SPAG16: variants seen among roughly 807,000 people sequenced by gnomAD.
SPAG16 encodes the protein sperm associated antigen 16.
Under a neutral mutation model 80.4 loss-of-function variants are expected in SPAG16, and 86 were observed. The observed-to-expected ratio is 1.07, with a 90% CI of 0.90 to 1.28. SPAG16 has a LOEUF of 1.28. Ranked by LOEUF, SPAG16 falls within the 50% of genes most tolerant of loss-of-function variation. SPAG16 has a pLI of 0.00. For synonymous variants in SPAG16, 294 were observed against 265.9 expected (o/e 1.11, Z -1.03); for missense variants, 870 against 765.3 (o/e 1.14, Z -1.61).
chr2:214,019,699 T>C (rs2047761885), intron 13 of SPAG16, among the ~76,000 whole-genome samples: 2 of 152,146 alleles, frequency 1.3e-5, no homozygotes, highest in South Asian at 4.1e-4. Context: ...TCTGGTGAAC[T>C]CTAAGAGGAG....
At chr2:213,534,250 A>T (rs1056290773) in intron 10 of SPAG16, among the ~76,000 whole-genome samples, 4 of 152,028 alleles carry the variant, frequency 2.6e-5, no homozygotes, top group Non-Finnish European at 4.4e-5. Flanking sequence ...TGGTTGTTTT[A>T]CATTATGTGT....
chr2:213,911,501 A>C (rs1297982552), intron 11 of SPAG16, among the ~76,000 whole-genome samples: 1 of 152,208 alleles, frequency 6.6e-6, no homozygotes, highest in Non-Finnish European at 1.5e-5. Flanking sequence ...AATGCCAAGA[A>C]TGCACATGAA....
At chr2:213,907,190 A>G (rs915176189) in intron 11 of SPAG16, among the ~76,000 whole-genome samples, 9 of 152,176 alleles carry the variant, frequency 5.9e-5, no homozygotes, top group South Asian at 2.1e-4. Flanking sequence ...GACAAAACCT[A>G]CAAGCAATCC....
At chr2:213,573,882 C>G (rs915156960) in intron 10 of SPAG16, among the ~76,000 whole-genome samples, 3 of 152,088 alleles carry the variant, frequency 2.0e-5, no homozygotes, top group Non-Finnish European at 4.4e-5. Context: ...TTAGGGCAAC[C>G]TAAACCAGTG....
At chr2:213,295,804 A>G (rs185100368) in intron 1 of SPAG16, among the ~76,000 whole-genome samples, 4 of 152,292 alleles carry the variant, frequency 2.6e-5, no homozygotes, top group African/African-American at 7.2e-5. Flanking sequence ...CATTAGATAG[A>G]TAGTAAACAG....
chr2:213,854,783 A>G (rs1222165974), intron 10 of SPAG16, among the ~76,000 whole-genome samples: 1 of 152,280 alleles, frequency 6.6e-6, no homozygotes, highest in East Asian at 1.9e-4. Context: ...ATCTTACTTC[A>G]GAGCCAACAC....
Position 213,830,866 on chromosome 2 carries a change from G to A in SPAG16, c.1071-31619G>A, listed in dbSNP as rs59655277. 8.9e-3 allele frequency among the ~76,000 whole-genome samples: 1,351 copies of A among 151,806 alleles called. 25 individuals carry two copies. Among genetic ancestry groups the A allele is most frequent in the African/African-American group, 0.03 (1,224 of 41,370 alleles). On this transcript the variant is annotated intron_variant, in intron 10 of 15. Coordinates refer to ENST00000331683, the MANE Select transcript of SPAG16 (RefSeq NM_024532.5). Reference sequence around the variant, plus strand: ...AAATATTTTTATGCATTTGTCTTTCGGGACATTTGTATTATAAGTGCTGTG... The same window carrying A: ...AAATATTTTTATGCATTTGTCTTTCAGGACATTTGTATTATAAGTGCTGTG...
chr2:213,893,400 T>C (rs1408529317), intron 11 of SPAG16, among the ~76,000 whole-genome samples: 4 of 152,148 alleles, frequency 2.6e-5, no homozygotes, highest in Non-Finnish European at 5.9e-5. Flanking sequence ...TATAATTAAG[T>C]GCATGGCCAA....
intron 15 of SPAG16, among the ~76,000 whole-genome samples, chr2:214,150,871 T>C (rs2055939328): frequency 6.6e-6 from 1 of 152,082 alleles, no homozygotes; most frequent in Admixed American, 6.6e-5. Context: ...TCTTCTGTCA[T>C]ACAGGTCAGT....
At chr2:213,574,288 G>A (rs1326129151) in intron 10 of SPAG16, among the ~76,000 whole-genome samples, 3 of 151,902 alleles carry the variant, frequency 2.0e-5, no homozygotes, top group Non-Finnish European at 4.4e-5. Flanking sequence ...CTGTTTTCTT[G>A]ATGTTCTATG....
intron 5 of SPAG16, among the ~76,000 whole-genome samples, chr2:213,339,591 A>G (rs924384423): frequency 6.6e-6 from 1 of 152,170 alleles, no homozygotes; most frequent in African/African-American, 2.4e-5. Flanking sequence ...TACAGCACTG[A>G]TATTGAAGAC....
At chr2:214,069,892 C>T (rs1359037469) in intron 13 of SPAG16, among the ~76,000 whole-genome samples, 1 of 152,082 alleles carries the variant, frequency 6.6e-6, no homozygotes, top group East Asian at 1.9e-4. Flanking sequence ...TTCTTTATAT[C>T]AACCAAGGCA....
At chr2:213,828,270 A>G (rs1276735299) in intron 10 of SPAG16, among the ~76,000 whole-genome samples, 1 of 151,892 alleles carries the variant, frequency 6.6e-6, no homozygotes, top group Non-Finnish European at 1.5e-5. Context: ...TAGGCTCACT[A>G]ATGCTTTCTT....
chr2:213,718,923 C>A (rs374815468), intron 10 of SPAG16, among the ~76,000 whole-genome samples: 1 of 152,194 alleles, frequency 6.6e-6, no homozygotes, highest in African/African-American at 2.4e-5. Flanking sequence ...AGCCCTGGTG[C>A]GGGATCCACT....
At chr2:213,435,423 T>C (rs897626701) in intron 9 of SPAG16, among the ~76,000 whole-genome samples, 2 of 152,150 alleles carry the variant, frequency 1.3e-5, no homozygotes, top group African/African-American at 4.8e-5. Context: ...AAGAAATTAC[T>C]TAATGGGTAC....
At chr2:213,771,318 ATTTG>A (rs1392100040) in intron 10 of SPAG16, among the ~76,000 whole-genome samples, 1 of 151,856 alleles carries the variant, frequency 6.6e-6, no homozygotes, top group African/African-American at 2.4e-5. Flanking sequence ...TTCCTTGTAA[ATTTG>A]TTTAAGTTCC....
intron 11 of SPAG16, among the ~76,000 whole-genome samples, chr2:213,868,151 T>C (rs12470452): frequency 0.59 from 90,023 of 151,522 alleles, 28,640 homozygotes; most frequent in South Asian, 0.85. Context: ...TTCAATTGCT[T>C]CAAAATGTAT....
chr2:213,810,081 G>A (rs567470751), intron 10 of SPAG16, among the ~76,000 whole-genome samples: 19 of 152,170 alleles, frequency 1.2e-4, no homozygotes, highest in Non-Finnish European at 2.1e-4. Flanking sequence ...CTCTGTTTAA[G>A]AAGTTCCATG....
intron 10 of SPAG16, among the ~76,000 whole-genome samples, chr2:213,542,454 C>T (rs1432777116): frequency 1.3e-5 from 2 of 152,226 alleles, no homozygotes; most frequent in East Asian, 3.9e-4. Flanking sequence ...TTATGTATTG[C>T]TGCTGTTTTT....
Sources: allele counts gnomAD v4.1 joint callset (sites outside exome capture counted in the v4.1 genomes callset), GRCh38; gene constraint gnomAD v4.1.1; transcripts MANE v1.5; gene names NCBI Gene and HGNC (gene_info 2026-07-23, HGNC 2026-07-21).